The following SLC25A1 variants were observed in gnomAD, a reference collection of about 807,000 sequenced individuals.
SLC25A1 encodes tricarboxylate transport protein, mitochondrial.
In SLC25A1, 26 loss-of-function variants were observed where a neutral mutation model predicts 38.1. The observed-to-expected ratio is 0.68, with a 90% CI of 0.50 to 0.95. The LOEUF is 0.95. Ranked by LOEUF, SLC25A1 falls within the 40% of genes least tolerant of loss-of-function variation. The pLI is 0.00. For missense variants in SLC25A1, 378 were observed against 426.6 expected (o/e 0.89, Z 1.00); for synonymous variants, 211 against 183.2 (o/e 1.15, Z -1.23).
rs201765451 is a variant in SLC25A1, at chr22:19,176,455, C to G, written c.787G>C (p.Gly263Arg). ...CCCTCCTTCTTCAGGATCTGCAAGC[C>G]GCAGTCCCACGTGTTCCGGTATTTG... ...AHKYRNTWDC[G>R]LQILKKEGLK... Residue 263 changes from glycine (G) to arginine (R), a missense_variant, in exon 8 of 9, where the codon GGC (glycine) becomes CGC (arginine). Gly to Arg is a moderately radical substitution (Grantham distance 125). Coordinates refer to ENST00000215882, the MANE Select transcript of SLC25A1 (RefSeq NM_005984.5). 1.2e-6 allele frequency: 2 copies of G among 1,613,762 alleles called. No homozygotes were observed. The highest frequency in any genetic ancestry group is 1.1e-5 in the South Asian group (1 of 91,082).
chr22:19,176,202 CAGGCAGA>C lies in SLC25A1; in HGVS notation c.857_863del (p.Val286GlyfsTer5). 1 of 1,613,664 alleles carries C rather than the reference CAGGCAGA, an allele frequency of 6.2e-7. No homozygotes were observed. The highest frequency in any genetic ancestry group is 1.1e-5 in the South Asian group (1 of 91,082). On this transcript the variant is annotated frameshift_variant, in exon 9 of 9. Coordinates refer to ENST00000215882, the MANE Select transcript of SLC25A1 (RefSeq NM_005984.5). LOFTEE classifies it high-confidence loss of function. ...AGATGACAAACACTATGGCCACATC[CAGGCAGA>C]CCCGGCCCAGGCGGGGGACAGTGCC...
In SLC25A1 at chr22:19,175,698, AG is replaced by A. The variant is rs368302752; in HGVS notation, c.*431del. On this transcript the variant is annotated 3_prime_UTR_variant, in exon 9 of 9. Coordinates refer to ENST00000215882, the MANE Select transcript of SLC25A1 (RefSeq NM_005984.5). ...AGTTAAGGCCAATGGCGGGAGAAGC[AG>A]GGGGCTGCAGCCCCTGGAATGCGGT... The A allele has an allele frequency of 4.0e-3, 854 of 213,432 alleles. 10 individuals carry two copies. Among genetic ancestry groups the A allele is most frequent in the African/African-American group, 0.018 (759 of 43,144 alleles). 13.2% of individuals were successfully genotyped at this position (213,432 alleles called of 1,614,324 possible). A position where few individuals can be genotyped will look rare whatever the true frequency, so the allele number is the denominator to read the frequency against.
rs782781101 is a variant in SLC25A1 at position 19,176,657 on chromosome 22, G to A, written c.668C>T (p.Thr223Ile). The change falls in exon 7 of 9, where the codon ACT becomes ATT. Residue 223 changes from threonine to isoleucine, a missense_variant. Transcript: ENST00000215882. ...GCCTGCAATAGCTCCGAAGACCCCA[G>A]TGATCAGAGGGTTCATGGGCTTGTT... ...NPNKPMNPLI[T>I]GVFGAIAGAA... 3.7e-6 allele frequency: 6 copies of A among 1,613,994 alleles called. No homozygotes were observed. The highest frequency in any genetic ancestry group is 5.1e-6 in the Non-Finnish European group (6 of 1,179,986).
At position 19,176,891 on chromosome 22, in the gene SLC25A1, C is replaced by G; in HGVS notation, c.586G>C (p.Ala196Pro). 1 of 1,613,866 alleles carries G rather than the reference C, an allele frequency of 6.2e-7. No individual in the cohort carries two copies. The highest frequency in any genetic ancestry group is 8.5e-7 in the Non-Finnish European group (1 of 1,180,020). ...ATVLKQGSNQ[A>P]IRFFVMTSLR... Reference sequence around the variant, plus strand: ...GAGGTCATGACGAAGAAGCGGATGGCCTGGTTCGAGCCCTGCTTCAGGACA... The same window carrying G: ...GAGGTCATGACGAAGAAGCGGATGGGCTGGTTCGAGCCCTGCTTCAGGACA... The change falls in exon 6 of 9, where the codon GCC becomes CCC. Residue 196 changes from alanine (A) to proline (P), a missense_variant. Transcript: ENST00000215882.
Position 19,176,468 on chromosome 22 carries a change from G to T in SLC25A1, c.774C>A (p.Asn258Lys). 6.2e-7 allele frequency: 1 copy of T among 1,613,880 alleles called. No homozygotes were observed. Among genetic ancestry groups the T allele is most frequent in the South Asian group, 1.1e-5 (1 of 91,086 alleles). Residue 258 changes from asparagine to lysine, a missense_variant, in exon 8 of 9, where the codon AAC becomes AAA. Coordinates refer to ENST00000215882, the MANE Select transcript of SLC25A1 (RefSeq NM_005984.5). ...MQGLEAHKYR[N>K]TWDCGLQILK... ...GGATCTGCAAGCCGCAGTCCCACGT[G>T]TTCCGGTATTTGTGCGCCTCCAGGC...
chr22:19,178,527 G>A lies in SLC25A1; in HGVS notation c.94+53C>T, dbSNP rs531691280. The A allele has an allele frequency of 1.2e-5, 16 of 1,295,576 alleles. No individual in the cohort carries two copies. The highest frequency in any genetic ancestry group is 3.1e-5 in the African/African-American group (2 of 64,230). The allele number at this position is 1,295,576 out of a possible 1,614,324, so 80.3% of individuals were successfully genotyped here. A position where few individuals can be genotyped will look rare whatever the true frequency, so the allele number is the denominator to read the frequency against. On this transcript the variant is annotated intron_variant, in intron 1 of 8. Transcript: ENST00000215882. The surrounding 1 kb of genome is among the most constrained non-coding windows in gnomAD (Gnocchi z 4.9). ...AAGTGGGGCGGGGCCTCAGCGTCCC[G>A]GGCCCACCCAGAAGCGCGGCGGGAG...
At chr22:19,177,245 C>T in intron 4 of SLC25A1, 41 bp from the exon 5 acceptor site, 1 of 1,560,896 alleles carries the variant, frequency 6.4e-7, no homozygotes, top group Non-Finnish European at 8.8e-7. Flanking sequence ...CGGCTGCCAC[C>T]TGGGTGGGTC....
Position 19,178,423 on chromosome 22 carries a change from G to A in SLC25A1, c.94+157C>T, listed in dbSNP as rs2084007801. On this transcript the variant is annotated intron_variant, in intron 1 of 8. Coordinates refer to ENST00000215882, the MANE Select transcript of SLC25A1 (RefSeq NM_005984.5). The surrounding 1 kb of genome is among the most constrained non-coding windows in gnomAD (Gnocchi z 4.9). ...GGCGAGGCGCAGGGGGTGACAGACG[G>A]GAGGCGGGCGAGTCCCAGCGCGCCG... The A allele has an allele frequency of 7.3e-7, 1 of 1,377,948 alleles. No homozygotes were observed. The highest frequency in any genetic ancestry group is 9.3e-7 in the Non-Finnish European group (1 of 1,072,044). The allele number at this position is 1,377,948 out of a possible 1,614,324, so 85.4% of individuals were successfully genotyped here.
intron 5 of SLC25A1, 65 bp from the exon 6 acceptor site, chr22:19,177,015 G>GT: frequency 6.3e-7 from 1 of 1,589,008 alleles, no homozygotes; most frequent in South Asian, 1.1e-5. Context: ...ATTGGTGTGT[G>GT]TGGGGGGTGG....
Position 19,176,190 on chromosome 22 carries a change from T to C in SLC25A1, c.876A>G (p.Ile292Met), listed in dbSNP as rs2083956879. 1 of 1,613,600 alleles carries C rather than the reference T, an allele frequency of 6.2e-7. No homozygotes were observed. The highest frequency in any genetic ancestry group is 2.2e-5 in the East Asian group (1 of 44,842). Residue 292 changes from isoleucine to methionine, a missense_variant, in exon 9 of 9, where the codon ATA (isoleucine) becomes ATG (methionine). Transcript: ENST00000215882. ...RLGRVCLDVA[I>M]VFVIYDEVVK... is the part of the protein sequence containing the mutation. ...CCACTTCATCATAGATGACAAACACTATGGCCACATCCAGGCAGACCCGGC... is the reference window on the plus strand; with the variant it reads ...CCACTTCATCATAGATGACAAACACCATGGCCACATCCAGGCAGACCCGGC...
intron 5 of SLC25A1, 76 bp downstream of exon 5, chr22:19,177,044 G>A (rs1341367997): frequency 1.9e-6 from 3 of 1,580,500 alleles, no homozygotes; most frequent in Non-Finnish European, 2.6e-6. Flanking sequence ...CAAAGCCCAA[G>A]GCAGGATGGG....
intron 8 of SLC25A1, 88 bp downstream of exon 8, chr22:19,176,333 A>G (rs573600775): frequency 6.4e-7 from 1 of 1,555,012 alleles, no homozygotes; most frequent in East Asian, 2.2e-5. Context: ...TGAGAGGCAC[A>G]GAGGCCTGAA....
Position 19,178,347 on chromosome 22 carries a change from G to C in SLC25A1, c.95-107C>G, listed in dbSNP as rs1400031233. ...GGCGCGGCCGCCGCGCCAGTGCCGC[G>C]GGGAACATAGGCTGGGGCCCCACGC... On this transcript the variant is annotated intron_variant, in intron 1 of 8. Transcript: ENST00000215882. The surrounding 1 kb of genome is among the most constrained non-coding windows in gnomAD (Gnocchi z 4.9). The C allele has an allele frequency of 2.0e-6, 3 of 1,501,612 alleles. No individual in the cohort carries two copies. The African/African-American group carries it at 4.3e-5, about 22-fold the overall frequency. 93.0% of individuals were successfully genotyped at this position (1,501,612 alleles called of 1,614,324 possible).
chr22:19,176,105 C>A lies in SLC25A1; in HGVS notation c.*25G>T. On this transcript the variant is annotated 3_prime_UTR_variant, in exon 9 of 9. Transcript: ENST00000215882. ...CAGGACACTCTGGCGGTGCCTGGGG[C>A]GGTCCCCTTGCGGCCTCTCTAGGCT... 1.9e-6 allele frequency: 3 copies of A among 1,580,732 alleles called. No homozygotes were observed. The African/African-American group carries it at 4.0e-5, about 21-fold the overall frequency.
rs1213418009 is a variant in SLC25A1 at position 19,178,475 on chromosome 22, G to T, written c.94+105C>A. 36 of 1,344,568 alleles carry T rather than the reference G, an allele frequency of 2.7e-5. No individual in the cohort carries two copies. The highest frequency in any genetic ancestry group is 3.7e-5 in the South Asian group (2 of 54,496). 83.3% of individuals were successfully genotyped at this position (1,344,568 alleles called of 1,614,324 possible). ...GTGGGGACCAGGACCGCGCCTCCAC[G>T]ACTCCCCAGCCCACGGCCCAACCCG... On this transcript the variant is annotated intron_variant, in intron 1 of 8. Coordinates refer to ENST00000215882, the MANE Select transcript of SLC25A1 (RefSeq NM_005984.5). The surrounding 1 kb of genome is among the most constrained non-coding windows in gnomAD (Gnocchi z 4.9).
At position 19,177,986 on chromosome 22, in the gene SLC25A1, G is replaced by C; in HGVS notation, c.258C>G (p.Gly86=). 6.2e-7 allele frequency: 1 copy of C among 1,604,786 alleles called. No individual in the cohort carries two copies. The highest frequency in any genetic ancestry group is 8.5e-7 in the Non-Finnish European group (1 of 1,177,464). Residue 86 remains glycine (G), a synonymous_variant, in exon 3 of 9, where the codon GGC becomes GGG. Transcript: ENST00000215882. The part of the protein sequence containing the change: ...RSHGVLGLYR[G]LSSLLYGSIP... ...TGGAACCGTAGAGCAGGGAGCTAAGGCCGCGGTACAGGCCCAGGACGCCAT... is the reference window on the plus strand; with the variant it reads ...TGGAACCGTAGAGCAGGGAGCTAAGCCCGCGGTACAGGCCCAGGACGCCAT...
intron 4 of SLC25A1, among the ~76,000 whole-genome samples, 176 bp downstream of exon 4, chr22:19,177,551 G>A (rs1359695058): frequency 6.6e-6 from 1 of 152,140 alleles, no homozygotes; most frequent in Non-Finnish European, 1.5e-5. Flanking sequence ...AGCCTCCACG[G>A]GTGGCCCTTC....
Position 19,178,650 on chromosome 22 carries a change from G to T in SLC25A1, c.24C>A (p.Arg8=). 8.6e-7 allele frequency: 1 copy of T among 1,162,216 alleles called. No individual in the cohort carries two copies. Among genetic ancestry groups the T allele is most frequent in the Non-Finnish European group, 1.1e-6 (1 of 943,322 alleles). The allele number at this position is 1,162,216 out of a possible 1,614,324, so 72.0% of individuals were successfully genotyped here. A position where few individuals can be genotyped will look rare whatever the true frequency, so the allele number is the denominator to read the frequency against. Residue 8 remains arginine, a synonymous_variant, in exon 1 of 9, where the codon CGC becomes CGA. Transcript: ENST00000215882. The surrounding 1 kb of genome is among the most constrained non-coding windows in gnomAD (Gnocchi z 4.9). MPAPRAP[R]ALAAAAPASG... ...ACGCGGGCGCGGCGGCCGCCAGAGC[G>T]CGCGGGGCGCGGGGCGCGGGCATGG...
intron 4 of SLC25A1, 85 bp from the exon 5 acceptor site, chr22:19,177,289 G>T: frequency 8.8e-7 from 1 of 1,142,696 alleles, no homozygotes; most frequent in Non-Finnish European, 1.3e-6. Flanking sequence ...CCCATCCAGG[G>T]TGGAGGGAAC....
Sources: allele counts gnomAD v4.1 joint callset (sites outside exome capture counted in the v4.1 genomes callset), GRCh38; gene constraint gnomAD v4.1.1; non-coding constraint Gnocchi (gnomAD v3.1); transcripts MANE v1.5; gene names NCBI Gene and HGNC (gene_info 2026-07-23, HGNC 2026-07-21).